Variants in ARHGEF18 observed in about 807,000 individuals in gnomAD.
ARHGEF18 encodes the protein rho guanine nucleotide exchange factor 18.
ARHGEF18 carries 93 observed loss-of-function variants against 155.7 expected under a neutral mutation model. The ratio of observed to expected loss-of-function variants is 0.60; its 90% CI spans 0.50 to 0.71. ARHGEF18 has a LOEUF of 0.71. Among genes scored for constraint, ARHGEF18 ranks in the 30% least tolerant of loss-of-function variants. The probability of loss-of-function intolerance (pLI) is 0.00; values close to 1 mark genes in which losing one functional copy is unlikely to be tolerated. For missense variants in ARHGEF18, 1,593 were observed against 1,816.1 expected (o/e 0.88, Z 2.23); for synonymous variants, 742 against 753.1 (o/e 0.99, Z 0.24).
rs982406567 is a variant in ARHGEF18 at position 7,470,679 on chromosome 19, A to G, written c.*381A>G. On this transcript the variant is annotated 3_prime_UTR_variant, in exon 29 of 29. Coordinates refer to ENST00000668164, the MANE Select transcript of ARHGEF18 (RefSeq NM_001367823.1). This position sits in a 1 kb window ranked among gnomAD's most constrained non-coding sequence, Gnocchi z 5.9. ...ACGGTGCCGGCTCTGCACGGAGCTG[A>G]GGACAGGACAGACCTTGCTTTGAGA... 2.5e-6 allele frequency: 1 copy of G among 398,646 alleles called. No homozygotes were observed. Among genetic ancestry groups the G allele is most frequent in the African/African-American group, 2.1e-5 (1 of 48,588 alleles). 24.7% of individuals were successfully genotyped at this position (398,646 alleles called of 1,614,324 possible).
intron 16 of ARHGEF18, among the ~76,000 whole-genome samples, chr19:7,452,395 C>T (rs748091348): frequency 6.6e-6 from 1 of 152,196 alleles, no homozygotes; most frequent in East Asian, 1.9e-4. Context: ...CTATAAAAGC[C>T]ACATCCTTGG....
chr19:7,385,866 T>TCC (rs1971004803), intron 10 of ARHGEF18, among the ~76,000 whole-genome samples: 6 of 82,110 alleles, frequency 7.3e-5, no homozygotes, highest in Admixed American at 1.1e-4. Flanking sequence ...TCTCTCTCTC[T>TCC]CTCTCCCCCC....
intron 14 of ARHGEF18, 134 bp from the exon 15 acceptor site, chr19:7,446,909 A>AG (rs1325216775): frequency 1.4e-5 from 16 of 1,118,310 alleles, no homozygotes; most frequent in African/African-American, 1.7e-5. Context: ...AAAAAAAAAA[A>AG]AAGAAGAAGA....
intron 22 of ARHGEF18, 87 bp from the exon 23 acceptor site, chr19:7,464,473 C>A (rs1382543635): frequency 4.0e-6 from 6 of 1,506,184 alleles, no homozygotes; most frequent in Non-Finnish European, 5.4e-6. Flanking sequence ...GGGTTTCCTA[C>A]CTGGGCAGGG....
chr19:7,442,157 CCTTCCTTCCTTCCTT>C, intron 13 of ARHGEF18, 105 bp downstream of exon 13: 2 of 769,520 alleles, frequency 2.6e-6, no homozygotes, highest in South Asian at 3.8e-5. Context: ...TTCCTTCCTT[CCTTCCTTCCTTCCTT>C]ATCTTTTTCT....
At position 7,439,642 on chromosome 19, in the gene ARHGEF18, C is replaced by T. The variant is rs943162883; in HGVS notation, c.968-702C>T. 10 of 1,118,160 alleles carry T rather than the reference C, an allele frequency of 8.9e-6. No homozygotes were observed. The South Asian group carries it at 2.5e-4, about 28-fold the overall frequency. 69.3% of individuals were successfully genotyped at this position (1,118,160 alleles called of 1,614,324 possible). Reference sequence around the variant, plus strand: ...GAACAGAATCGGAGCCTCGCGTCCACTTCGATGCTAGAATTCTGTTCGAGT... The same window carrying T: ...GAACAGAATCGGAGCCTCGCGTCCATTTCGATGCTAGAATTCTGTTCGAGT... On this transcript the variant is annotated intron_variant, in intron 10 of 28. Coordinates refer to ENST00000668164, the MANE Select transcript of ARHGEF18 (RefSeq NM_001367823.1).
chr19:7,459,490 G>A (rs2145872351), intron 19 of ARHGEF18, among the ~76,000 whole-genome samples: 1 of 152,324 alleles, frequency 6.6e-6, no homozygotes, highest in Admixed American at 6.5e-5. Context: ...AAAGTGTTGG[G>A]ATTACAGGCG....
At chr19:7,465,700 A>G (rs1048405201) in intron 23 of ARHGEF18, among the ~76,000 whole-genome samples, 2 of 152,082 alleles carry the variant, frequency 1.3e-5, no homozygotes, top group African/African-American at 4.8e-5. Context: ...AGGCCGCCAT[A>G]CCTGGCCTTG....
chr19:7,405,070 G>C, intron 10 of ARHGEF18, among the ~76,000 whole-genome samples: 1 of 152,016 alleles, frequency 6.6e-6, no homozygotes, highest in East Asian at 1.9e-4. Flanking sequence ...AGATTCTCCT[G>C]CCTCAGCCTC....
chr19:7,453,211 C>G (rs528840366), intron 16 of ARHGEF18, among the ~76,000 whole-genome samples: 1 of 151,832 alleles, frequency 6.6e-6, no homozygotes. Context: ...ACCCTCCCCC[C>G]CCCAAAAAAA....
intron 3 of ARHGEF18, among the ~76,000 whole-genome samples, chr19:7,375,365 G>GAAA (rs1159067512): frequency 2.9e-5 from 4 of 139,500 alleles, no homozygotes; most frequent in African/African-American, 8.0e-5. Flanking sequence ...AAGGAAGGAA[G>GAAA]GAAGGAAGGA....
chr19:7,476,895 T>C (rs1977241080), downstream of ARHGEF18: 1 of 349,306 alleles, frequency 2.9e-6, no homozygotes, highest in Non-Finnish European at 5.2e-6. Flanking sequence ...CAATGTTTAA[T>C]TGATTCCCGT....
At chr19:7,399,487 C>CTTT (rs59714990) in intron 10 of ARHGEF18, among the ~76,000 whole-genome samples, 3 of 144,318 alleles carry the variant, frequency 2.1e-5, no homozygotes, top group African/African-American at 5.1e-5. Context: ...TTTTTTCCTT[C>CTTT]TTTTTTTTTT....
chr19:7,478,736 G>A, the ARHGEF18 span, among the ~76,000 whole-genome samples: 1 of 152,230 alleles, frequency 6.6e-6, no homozygotes, highest in Non-Finnish European at 1.5e-5. Context: ...GCCCGCAGTT[G>A]GACAGGCGTG....
intron 10 of ARHGEF18, among the ~76,000 whole-genome samples, chr19:7,388,024 C>A (rs1971181781): frequency 6.6e-6 from 1 of 151,964 alleles, no homozygotes; most frequent in Admixed American, 6.6e-5. Flanking sequence ...AGTTTGCCAA[C>A]CCCTGAACGA....
intron 10 of ARHGEF18, among the ~76,000 whole-genome samples, chr19:7,398,192 C>T (rs1964390619): frequency 6.6e-6 from 1 of 152,080 alleles, no homozygotes; most frequent in Admixed American, 6.6e-5. Context: ...GCCTCAGCCT[C>T]CCGAGTAGCT....
At position 7,444,191 on chromosome 19, in the gene ARHGEF18, TG is replaced by T; in HGVS notation, c.1361-12del. ...GCCAGCATGGCTAAGTCCTGCCGTCTGTGTCCCTGCAGAGCTGATGCAGACA... is the reference window on the plus strand; with the variant it reads ...GCCAGCATGGCTAAGTCCTGCCGTCTTGTCCCTGCAGAGCTGATGCAGACA... On this transcript the variant is annotated splice_polypyrimidine_tract_variant and intron_variant, in intron 13 of 28. Transcript: ENST00000668164. This position sits in a 1 kb window ranked among gnomAD's most constrained non-coding sequence, Gnocchi z 4.7. The T allele has an allele frequency of 6.2e-7, 1 of 1,608,918 alleles. No homozygotes were observed. Among genetic ancestry groups the T allele is most frequent in the Non-Finnish European group, 8.5e-7 (1 of 1,176,570 alleles).
In ARHGEF18 at chr19:7,398,616, G is replaced by A. The variant is rs1006294134; in HGVS notation, c.967+15413G>A. On this transcript the variant is annotated intron_variant, in intron 10 of 28. Coordinates refer to ENST00000668164, the MANE Select transcript of ARHGEF18 (RefSeq NM_001367823.1). ...TGAGGCAGGAGAATCGCTTGAACCC[G>A]CAAGGCAGAGGTTGCAGTGAGCCGA... is the stretch of plus-strand genomic sequence containing the variant. Among the ~76,000 whole-genome samples, 12 of 150,860 alleles carry A rather than the reference G, an allele frequency of 8.0e-5. No homozygotes were observed. The East Asian group carries it at 2.0e-3, about 25-fold the overall frequency.
Position 7,471,538 on chromosome 19 carries a change from C to T in ARHGEF18, c.*1240C>T, listed in dbSNP as rs532467695. On this transcript the variant is annotated 3_prime_UTR_variant, in exon 29 of 29. Transcript: ENST00000668164. This position sits in a 1 kb window ranked among gnomAD's most constrained non-coding sequence, Gnocchi z 4.4. ...TTCCCAGTGGGGTACATGTGAGCCC[C>T]TGCCAGGGCCAAGTCCTTCTCCCGA... is the stretch of plus-strand genomic sequence containing the variant. 1 of 152,386 alleles carries T rather than the reference C, an allele frequency of 6.6e-6. No homozygotes were observed. Among genetic ancestry groups the T allele is most frequent in the East Asian group, 1.9e-4 (1 of 5,186 alleles). The allele number at this position is 152,386 out of a possible 1,614,324, so 9.4% of individuals were successfully genotyped here. A position where few individuals can be genotyped will look rare whatever the true frequency, so the allele number is the denominator to read the frequency against.
Sources: allele counts gnomAD v4.1 joint callset (sites outside exome capture counted in the v4.1 genomes callset), GRCh38; gene constraint gnomAD v4.1.1; non-coding constraint Gnocchi (gnomAD v3.1); transcripts MANE v1.5; gene names NCBI Gene and HGNC (gene_info 2026-07-23, HGNC 2026-07-21).